Variants in DEPDC5 observed in about 807,000 individuals in gnomAD.
The protein encoded by DEPDC5 is GATOR1 complex protein DEPDC5.
A neutral mutation model predicts 217.3 loss-of-function variants in DEPDC5; 73 were observed. The observed-to-expected ratio is 0.34, with a 90% CI of 0.28 to 0.41. DEPDC5 has a LOEUF of 0.41. Ranked by LOEUF, DEPDC5 falls within the 10% of genes least tolerant of loss-of-function variation. The probability of loss-of-function intolerance (pLI) is 1.00; values close to 1 mark genes in which losing one functional copy is unlikely to be tolerated. For missense variants in DEPDC5, 1,675 were observed against 2,070.1 expected (o/e 0.81, Z 3.70); for synonymous variants, 733 against 756.7 (o/e 0.97, Z 0.51).
chr22:31,842,280 AAAC>A (rs1012337016), intron 27 of DEPDC5, among the ~76,000 whole-genome samples: 3 of 152,228 alleles, frequency 2.0e-5, no homozygotes, highest in Admixed American at 1.3e-4. Flanking sequence ...AATGCAAAAG[AAAC>A]AACATGAGCA....
chr22:31,761,536 G>A (rs2082386255), intron 4 of DEPDC5, among the ~76,000 whole-genome samples: 1 of 151,740 alleles, frequency 6.6e-6, no homozygotes, highest in Admixed American at 6.6e-5. Context: ...GTAAAGTGAC[G>A]CTTATAGTCC....
At position 31,760,086 on chromosome 22, in the gene DEPDC5, G is replaced by A. The variant is rs542531615; in HGVS notation, c.147-570G>A. Among the ~76,000 whole-genome samples, 533 of 135,000 alleles carry A rather than the reference G, an allele frequency of 3.9e-3. 3 individuals carry two copies. Among genetic ancestry groups the A allele is most frequent in the African/African-American group, 0.014 (498 of 34,350 alleles). 88.6% of individuals were successfully genotyped at this position (135,000 alleles called of 152,430 possible). A position where few individuals can be genotyped will look rare whatever the true frequency, so the allele number is the denominator to read the frequency against. ...TCTTTGTTTCTTTTTTTTTTTTTGT[G>A]AGACGGAGTCTTGCTCTGTCGCCCA... On this transcript the variant is annotated intron_variant, in intron 3 of 42. Coordinates refer to ENST00000651528, the MANE Select transcript of DEPDC5 (RefSeq NM_001242896.3).
chr22:31,826,482 A>T, intron 24 of DEPDC5: 1 of 433,756 alleles, frequency 2.3e-6, no homozygotes, highest in South Asian at 1.7e-5. Context: ...TTGCATAGAT[A>T]GGTTCCTCTC....
At chr22:31,787,667 C>T (rs2085145802) in intron 10 of DEPDC5, among the ~76,000 whole-genome samples, 1 of 152,002 alleles carries the variant, frequency 6.6e-6, no homozygotes, top group Non-Finnish European at 1.5e-5. Context: ...AAAAAATTAG[C>T]TGGCTGCATT....
chr22:31,806,304 G>A, intron 18 of DEPDC5, 113 bp downstream of exon 18: 2 of 884,008 alleles, frequency 2.3e-6, no homozygotes, highest in Non-Finnish European at 3.5e-6. Flanking sequence ...TGGGATTACA[G>A]ACATGAGCCA....
chr22:31,802,720 C>T lies in DEPDC5; in HGVS notation c.963C>T (p.Tyr321=), dbSNP rs2087010355. 1.3e-6 allele frequency: 2 copies of T among 1,585,966 alleles called. No individual in the cohort carries two copies. Among genetic ancestry groups the T allele is most frequent in the Non-Finnish European group, 1.7e-6 (2 of 1,166,928 alleles). ...NLSFNVFDKH[Y]INRNFDRTGQ... is the part of the protein sequence containing the mutation. ...TATTTCTAGTGTTTGATAAGCACTA[C>T]ATCAACCGCAACTTTGACCGAACTG... The change falls in exon 15 of 43, where the codon TAC becomes TAT. Residue 321 remains tyrosine (Y), a synonymous_variant. Coordinates refer to ENST00000651528, the MANE Select transcript of DEPDC5 (RefSeq NM_001242896.3).
chr22:31,871,013 G>A (rs1211229905), intron 34 of DEPDC5, among the ~76,000 whole-genome samples: 5 of 152,202 alleles, frequency 3.3e-5, no homozygotes, highest in African/African-American at 1.2e-4. Flanking sequence ...TCCGGAAGGG[G>A]GCTCTGTCCA....
In DEPDC5 at chr22:31,837,214, C is replaced by T. The variant is rs1231417242; in HGVS notation, c.2354+59C>T. 3.3e-5 allele frequency: 52 copies of T among 1,568,172 alleles called. No individual in the cohort carries two copies. The Admixed American group carries it at 8.9e-4, about 27-fold the overall frequency. On this transcript the variant is annotated intron_variant, in intron 26 of 42. Coordinates refer to ENST00000651528, the MANE Select transcript of DEPDC5 (RefSeq NM_001242896.3). The stretch of plus-strand genomic sequence containing the variant: ...TGGTGAGGGTTTCGGATATATCCCA[C>T]ACATGCATCAGAACACTGGATTTGT...
intron 26 of DEPDC5, 25 bp downstream of exon 26, chr22:31,837,180 T>C (rs1170534173): frequency 1.9e-6 from 3 of 1,612,820 alleles, no homozygotes; most frequent in Non-Finnish European, 2.5e-6. Flanking sequence ...AAAAGGCACT[T>C]GGCTTGGTTG....
intron 39 of DEPDC5, 64 bp from the exon 40 acceptor site, chr22:31,897,418 A>G: frequency 6.5e-7 from 1 of 1,540,216 alleles, no homozygotes; most frequent in Non-Finnish European, 8.8e-7. Flanking sequence ...TCTCCTTGGG[A>G]AGTATTTTCT....
At position 31,845,748 on chromosome 22, in the gene DEPDC5, CGTGTGTGTGT is replaced by C. The variant is rs369816632; in HGVS notation, c.3021+520_3021+529del. 2.0e-5 allele frequency among the ~76,000 whole-genome samples: 3 copies of C among 149,474 alleles called. No homozygotes were observed. In the East Asian group the frequency reaches 5.9e-4, roughly 29 times the overall value. On this transcript the variant is annotated intron_variant, in intron 30 of 42. Transcript: ENST00000651528. ...TTTTTTAAACATATAGTATAATTGA[CGTGTGTGTGT>C]GTGTGTGTATGTGTGTGTGTGTGTA...
rs41279981 is a variant in DEPDC5, at chr22:31,906,320, C to G, written c.4635C>G (p.Gly1545=). The G allele has an allele frequency of 2.5e-5, 40 of 1,613,868 alleles. No homozygotes were observed. The highest frequency in any genetic ancestry group is 3.1e-5 in the Non-Finnish European group (37 of 1,179,932). Residue 1545 remains glycine, a synonymous_variant, in exon 43 of 43, where the codon GGC becomes GGG. Transcript: ENST00000651528. The surrounding 1 kb of genome is among the most constrained non-coding windows in gnomAD (Gnocchi z 5.1). The part of the protein sequence containing the change: ...NQNMFCEERV[G]YNWAYNTMLT... ...ACATGTTCTGCGAGGAGCGGGTCGG[C>G]TACAACTGGGCCTACAACACCATGC... is the stretch of plus-strand genomic sequence containing the variant.
chr22:31,873,172 GA>G (rs1569166368), intron 34 of DEPDC5, 82 bp from the exon 35 acceptor site: 1 of 1,608,416 alleles, frequency 6.2e-7, no homozygotes, highest in South Asian at 1.1e-5. Flanking sequence ...GGCTCCATAG[GA>G]AGTGGAGACT....
intron 34 of DEPDC5, 42 bp downstream of exon 34, chr22:31,870,786 G>T (rs1449165661): frequency 1.0e-5 from 15 of 1,468,268 alleles, no homozygotes; most frequent in Non-Finnish European, 1.4e-5. Context: ...TGGGGAGTGG[G>T]GACAGTCTGA....
At chr22:31,816,431 T>A (rs2089137031) in intron 21 of DEPDC5, 1 of 152,090 alleles carries the variant, frequency 6.6e-6, no homozygotes. Context: ...TTTCTTTTTT[T>A]TTCTTTTCTT....
At chr22:31,834,027 G>A (rs368543028) in intron 25 of DEPDC5, 47 bp downstream of exon 25, 35 of 1,588,526 alleles carry the variant, frequency 2.2e-5, no homozygotes, top group Non-Finnish European at 3.0e-5. Flanking sequence ...AGGGAGTGTG[G>A]GGTGGTCAGA....
At chr22:31,900,964 C>T (rs1033337113) in intron 40 of DEPDC5, among the ~76,000 whole-genome samples, 6 of 151,962 alleles carry the variant, frequency 3.9e-5, no homozygotes, top group African/African-American at 9.7e-5. Flanking sequence ...TAGTTGGGGC[C>T]GGGCACAGTG....
At chr22:31,882,730 G>T (rs141986686) in intron 38 of DEPDC5, among the ~76,000 whole-genome samples, 1 of 152,026 alleles carries the variant, frequency 6.6e-6, no homozygotes, top group African/African-American at 2.4e-5. Flanking sequence ...ACTATCATTT[G>T]TTCATTCTTT....
At position 31,802,769 on chromosome 22, in the gene DEPDC5, C is replaced by T. The variant is rs2087016137; in HGVS notation, c.1012C>T (p.Pro338Ser). Reference protein sequence around the residue: ...RTGQMSVVITPGVGVFEVDRL... With the variant: ...RTGQMSVVITSGVGVFEVDRL... ...TGGGCAGATGTCAGTGGTGATCACG[C>T]CCGGGGTGGGTGTCTTTGAAGTGGA... Residue 338 changes from proline (P) to serine (S), a missense_variant, in exon 15 of 43, where the codon CCC (proline) becomes TCC (serine). Around this residue, in one of 11 missense-constraint regions of DEPDC5, gnomAD observed 628 missense variants for 762.1 expected, o/e 0.82. Coordinates refer to ENST00000651528, the MANE Select transcript of DEPDC5 (RefSeq NM_001242896.3). The T allele has an allele frequency of 6.2e-7, 1 of 1,606,128 alleles. No homozygotes were observed. Among genetic ancestry groups the T allele is most frequent in the Non-Finnish European group, 8.5e-7 (1 of 1,176,726 alleles).
Sources: allele counts gnomAD v4.1 joint callset (sites outside exome capture counted in the v4.1 genomes callset), GRCh38; gene constraint gnomAD v4.1.1; regional missense constraint gnomAD v4.1.1; non-coding constraint Gnocchi (gnomAD v3.1); transcripts MANE v1.5; gene names NCBI Gene and HGNC (gene_info 2026-07-23, HGNC 2026-07-21).